ZNF804B: variants seen among roughly 807,000 people sequenced by gnomAD.
The protein encoded by ZNF804B is zinc finger protein 804B.
In ZNF804B, 80 loss-of-function variants were observed where a neutral mutation model predicts 101.4. The ratio of observed to expected loss-of-function variants is 0.79; its 90% confidence interval spans 0.66 to 0.95. The LOEUF is 0.95. Among genes scored for constraint, ZNF804B ranks in the 40% least tolerant of loss-of-function variants. ZNF804B has a pLI of 0.00. For missense variants in ZNF804B, 1,673 were observed against 1,561.9 expected (o/e 1.07, Z -1.20); for synonymous variants, 622 against 558.8 (o/e 1.11, Z -1.59).
At chr7:89,315,848 G>A (rs750862686) in intron 2 of ZNF804B, among the ~76,000 whole-genome samples, 1 of 152,046 alleles carries the variant, frequency 6.6e-6, no homozygotes, top group Non-Finnish European at 1.5e-5. Flanking sequence ...ACTAACTGGG[G>A]CCTGATCATC....
intron 1 of ZNF804B, among the ~76,000 whole-genome samples, chr7:88,968,682 A>G (rs1793491761): frequency 6.6e-6 from 1 of 151,602 alleles, no homozygotes; most frequent in African/African-American, 2.4e-5. Flanking sequence ...TTCAAATTGT[A>G]AGGAGACTTT....
intron 1 of ZNF804B, among the ~76,000 whole-genome samples, chr7:89,113,552 C>T (rs572205839): frequency 1.3e-5 from 2 of 152,228 alleles, no homozygotes; most frequent in East Asian, 1.9e-4. Context: ...GTAATCATCT[C>T]ACGCTCATTT....
chr7:89,223,879 T>G (rs545290255), intron 2 of ZNF804B, among the ~76,000 whole-genome samples: 2 of 152,126 alleles, frequency 1.3e-5, no homozygotes, highest in South Asian at 4.1e-4. Flanking sequence ...CTTAAAATTC[T>G]GTGTAAATGT....
chr7:88,888,771 C>CGTTTT (rs1467551890), intron 1 of ZNF804B, among the ~76,000 whole-genome samples: 1 of 151,484 alleles, frequency 6.6e-6, no homozygotes, highest in African/African-American at 2.4e-5. Flanking sequence ...TTTTGTTTTT[C>CGTTTT]GTTTTGTTTT....
chr7:89,123,514 G>A (rs1438354500), intron 1 of ZNF804B, among the ~76,000 whole-genome samples: 3 of 152,106 alleles, frequency 2.0e-5, no homozygotes, highest in African/African-American at 7.2e-5. Flanking sequence ...TTTATGCTAA[G>A]CATTGTGCTA....
At chr7:88,984,152 C>T (rs1562851051) in intron 1 of ZNF804B, among the ~76,000 whole-genome samples, 1 of 152,096 alleles carries the variant, frequency 6.6e-6, no homozygotes, top group Non-Finnish European at 1.5e-5. Context: ...GCAGCCTTCA[C>T]TCTAGCACAG....
intron 2 of ZNF804B, among the ~76,000 whole-genome samples, chr7:89,298,275 A>G (rs1241803705): frequency 3.4e-5 from 4 of 117,328 alleles, no homozygotes; most frequent in Non-Finnish European, 5.0e-5. Context: ...GTTCTAGGTT[A>G]CATGTGCAGA....
At chr7:89,111,029 T>C (rs1201793396) in intron 1 of ZNF804B, among the ~76,000 whole-genome samples, 3 of 152,182 alleles carry the variant, frequency 2.0e-5, no homozygotes, top group Non-Finnish European at 4.4e-5. Flanking sequence ...AATATGATTC[T>C]AAGTTTCCTC....
intron 1 of ZNF804B, among the ~76,000 whole-genome samples, chr7:89,056,247 A>T (rs1268213023): frequency 6.6e-6 from 1 of 152,084 alleles, no homozygotes; most frequent in African/African-American, 2.4e-5. Flanking sequence ...GTCCTGTAGC[A>T]TAGGATAAAT....
At chr7:89,179,090 TC>T (rs1788254215) in intron 1 of ZNF804B, among the ~76,000 whole-genome samples, 1 of 152,334 alleles carries the variant, frequency 6.6e-6, no homozygotes, top group South Asian at 2.1e-4. Flanking sequence ...TAGGATTCTT[TC>T]TTTATCCTTG....
chr7:89,013,526 A>G (rs1333055072), intron 1 of ZNF804B, among the ~76,000 whole-genome samples: 1 of 152,198 alleles, frequency 6.6e-6, no homozygotes, highest in Admixed American at 6.5e-5. Flanking sequence ...ACACATAATA[A>G]TTGTGCATAT....
intron 1 of ZNF804B, among the ~76,000 whole-genome samples, chr7:88,830,760 G>A (rs564750999): frequency 6.6e-6 from 1 of 151,892 alleles, no homozygotes; most frequent in African/African-American, 2.4e-5. Context: ...GCATATGTGT[G>A]TGTATTTCTT....
intron 2 of ZNF804B, among the ~76,000 whole-genome samples, chr7:89,233,510 G>T (rs1350140252): frequency 6.6e-6 from 1 of 152,066 alleles, no homozygotes; most frequent in Non-Finnish European, 1.5e-5. Flanking sequence ...GCATTTTAAA[G>T]GTGTACTTAC....
chr7:89,171,395 C>CTCTTCTTCCTCT (rs1562904644), intron 1 of ZNF804B, among the ~76,000 whole-genome samples: 16 of 91,988 alleles, frequency 1.7e-4, no homozygotes, highest in Non-Finnish European at 2.3e-4. Flanking sequence ...CCTCTTCTTC[C>CTCTTCTTCCTCT]TCTTCTTCTT....
chr7:89,013,436 A>G (rs1788494322), intron 1 of ZNF804B, among the ~76,000 whole-genome samples: 1 of 152,192 alleles, frequency 6.6e-6, no homozygotes, highest in African/African-American at 2.4e-5. Flanking sequence ...ATACAATGAG[A>G]ATCTATTTAT....
chr7:89,209,760 A>ATTC (rs747976112), intron 1 of ZNF804B, among the ~76,000 whole-genome samples: 16 of 152,176 alleles, frequency 1.1e-4, no homozygotes, highest in Non-Finnish European at 2.1e-4. Flanking sequence ...TATTATTATT[A>ATTC]TTAATTTCAC....
At chr7:89,108,052 G>A (rs1405859521) in intron 1 of ZNF804B, among the ~76,000 whole-genome samples, 1 of 152,078 alleles carries the variant, frequency 6.6e-6, no homozygotes, top group Non-Finnish European at 1.5e-5. Flanking sequence ...GAACCACAGA[G>A]GGAAGAGAAA....
chr7:88,939,265 A>T (rs139239601), intron 1 of ZNF804B, among the ~76,000 whole-genome samples: 38 of 152,104 alleles, frequency 2.5e-4, no homozygotes, highest in African/African-American at 7.9e-4. Flanking sequence ...AATCAACTCT[A>T]GATTACATAT....
intron 2 of ZNF804B, among the ~76,000 whole-genome samples, chr7:89,259,922 T>C (rs1328096193): frequency 2.0e-5 from 3 of 151,194 alleles, no homozygotes; most frequent in Non-Finnish European, 2.9e-5. Flanking sequence ...GAGGTGGAGA[T>C]TGTAGTGACC....
Sources: allele counts gnomAD v4.1 joint callset (sites outside exome capture counted in the v4.1 genomes callset), GRCh38; gene constraint gnomAD v4.1.1; transcripts MANE v1.5; gene names NCBI Gene and HGNC (gene_info 2026-07-23, HGNC 2026-07-21).